NSUN6: variants seen among roughly 807,000 people sequenced by gnomAD.
The protein encoded by NSUN6 is tRNA (cytosine(72)-C(5))-methyltransferase NSUN6.
A neutral mutation model predicts 58.0 loss-of-function variants in NSUN6; 64 were observed. That is an observed-to-expected ratio of 1.10 (90% confidence interval 0.90 to 1.36). The LOEUF is 1.36. Ranked by LOEUF, NSUN6 falls within the 40% of genes most tolerant of loss-of-function variation. NSUN6 has a pLI of 0.00. For synonymous variants in NSUN6, 231 were observed against 193.9 expected (o/e 1.19, Z -1.59); for missense variants, 701 against 550.1 (o/e 1.27, Z -2.74).
chr10:18,644,003 C>G (rs1347415342), intron 2 of NSUN6, among the ~76,000 whole-genome samples: 1 of 152,174 alleles, frequency 6.6e-6, no homozygotes, highest in East Asian at 1.9e-4. Flanking sequence ...CTGCCCAATG[C>G]TATTTTAAAA....
chr10:18,553,615 T>C (rs1409972496), intron 8 of NSUN6, among the ~76,000 whole-genome samples: 1 of 148,034 alleles, frequency 6.8e-6, no homozygotes. Context: ...TGGAATGGCA[T>C]GGAGTGGAAC....
chr10:18,579,757 G>C (rs2056823647), intron 8 of NSUN6, among the ~76,000 whole-genome samples: 1 of 152,196 alleles, frequency 6.6e-6, no homozygotes. Flanking sequence ...GTAGCTAAGA[G>C]ACAGAGGGTT....
At chr10:18,605,915 T>C (rs768368991) in intron 6 of NSUN6, among the ~76,000 whole-genome samples, 35 of 152,088 alleles carry the variant, frequency 2.3e-4, no homozygotes, top group Non-Finnish European at 4.3e-4. Flanking sequence ...ATGGAACAAT[T>C]CTATTAAACA....
At position 18,630,687 on chromosome 10, in the gene NSUN6, A is replaced by C. The variant is rs983648709; in HGVS notation, c.311+11789T>G. 8.1e-3 allele frequency among the ~76,000 whole-genome samples: 1,233 copies of C among 152,256 alleles called. 9 individuals carry two copies. The highest frequency in any genetic ancestry group is 0.011 in the Non-Finnish European group (717 of 67,992). ...GGATAAATTCCTCAACACATACATT[A>C]TCCCAAGACTAAACCAGGAAGAAGT... On this transcript the variant is annotated intron_variant, in intron 3 of 10. Transcript: ENST00000377304.
chr10:18,564,278 GCATTCTCTATTCCATT>G, intron 8 of NSUN6, among the ~76,000 whole-genome samples: 1 of 142,964 alleles, frequency 7.0e-6, no homozygotes, highest in Admixed American at 7.0e-5. Flanking sequence ...CCACTCCACT[GCATTCTCTATTCCATT>G]CTCCATTCCA....
chr10:18,632,183 G>A (rs556904630), intron 3 of NSUN6, among the ~76,000 whole-genome samples: 1 of 152,192 alleles, frequency 6.6e-6, no homozygotes, highest in African/African-American at 2.4e-5. Flanking sequence ...AAATGGTGCT[G>A]GCAAAACTGG....
intron 3 of NSUN6, among the ~76,000 whole-genome samples, chr10:18,628,169 C>T (rs1277724984): frequency 1.3e-5 from 2 of 152,162 alleles, no homozygotes; most frequent in Non-Finnish European, 1.5e-5. Context: ...CGGTCAGGTA[C>T]TCCAACAGAC....
intron 2 of NSUN6, among the ~76,000 whole-genome samples, chr10:18,645,534 A>C (rs2059521412): frequency 6.6e-6 from 1 of 152,220 alleles, no homozygotes; most frequent in Non-Finnish European, 1.5e-5. Flanking sequence ...AGGTTAATCC[A>C]TACTGTAGCA....
At position 18,609,916 on chromosome 10, in the gene NSUN6, T is replaced by C. The variant is rs779855805; in HGVS notation, c.586A>G (p.Ile196Val). 1.3e-6 allele frequency: 2 copies of C among 1,589,376 alleles called. No homozygotes were observed. Among genetic ancestry groups the C allele is most frequent in the East Asian group, 2.2e-5 (1 of 44,748 alleles). Residue 196 changes from isoleucine (I) to valine (V), a missense_variant, in exon 6 of 11, where the codon ATA (isoleucine) becomes GTA (valine). Transcript: ENST00000377304. ...SGLPELKGMG[I>V]RMTEPVYLSP... ...AGATATACTGGTTCTGTCATTCTTA[T>C]GCCCATGCCTCTGAAAAATAGGAAA... is the stretch of plus-strand genomic sequence containing the variant.
At chr10:18,581,830 A>T (rs2056918172) in intron 8 of NSUN6, among the ~76,000 whole-genome samples, 1 of 152,016 alleles carries the variant, frequency 6.6e-6, no homozygotes, top group South Asian at 2.1e-4. Flanking sequence ...ATCTCAAAAA[A>T]AAAAAAAAGG....
intron 3 of NSUN6, among the ~76,000 whole-genome samples, chr10:18,636,950 A>T (rs898412221): frequency 7.4e-6 from 1 of 135,498 alleles, no homozygotes; most frequent in African/African-American, 2.7e-5. Flanking sequence ...AAAAAAAAAA[A>T]AAAAGGAATT....
Position 18,639,988 on chromosome 10 carries a change from T to C in NSUN6, c.311+2488A>G, listed in dbSNP as rs556229262. ...ACACAAATATTCACTCTAACACCTC[T>C]CGTAACAATGAAAAACAGGAAAAAA... On this transcript the variant is annotated intron_variant, in intron 3 of 10. Transcript: ENST00000377304. Among the ~76,000 whole-genome samples the C allele has an allele frequency of 5.3e-5, 8 of 152,266 alleles. No homozygotes were observed. The South Asian group carries it at 1.7e-3, about 32-fold the overall frequency.
chr10:18,566,332 A>ACAATCCATTCCATTCCG (rs1437118762), intron 8 of NSUN6, among the ~76,000 whole-genome samples: 3 of 134,718 alleles, frequency 2.2e-5, no homozygotes, highest in African/African-American at 5.6e-5. Context: ...ATTCCATTCC[A>ACAATCCATTCCATTCCG]CAATCCATTC....
chr10:18,571,028 C>T (rs930171817), intron 8 of NSUN6, among the ~76,000 whole-genome samples: 1 of 150,544 alleles, frequency 6.6e-6, no homozygotes, highest in Admixed American at 6.6e-5. Flanking sequence ...CATTCCATTC[C>T]ATTCTCTACT....
At chr10:18,643,820 ATATCT>A (rs1393358625) in intron 2 of NSUN6, among the ~76,000 whole-genome samples, 1 of 152,204 alleles carries the variant, frequency 6.6e-6, no homozygotes, top group African/African-American at 2.4e-5. Flanking sequence ...GACTATAGAA[ATATCT>A]TATACAGAGA....
At chr10:18,548,752 T>C (rs2054435895) in intron 9 of NSUN6, among the ~76,000 whole-genome samples, 2 of 152,186 alleles carry the variant, frequency 1.3e-5, no homozygotes, top group Admixed American at 1.3e-4. Flanking sequence ...TCAACATTTC[T>C]ATAATACTAT....
intron 8 of NSUN6, among the ~76,000 whole-genome samples, chr10:18,565,282 C>T (rs1335947807): frequency 6.7e-6 from 1 of 150,098 alleles, no homozygotes; most frequent in Non-Finnish European, 1.5e-5. Flanking sequence ...TAATCAATTA[C>T]ATTTTCCATT....
chr10:18,577,089 C>T (rs1325348672), intron 8 of NSUN6, among the ~76,000 whole-genome samples: 1 of 152,138 alleles, frequency 6.6e-6, no homozygotes, highest in East Asian at 1.9e-4. Flanking sequence ...CTATTACAAC[C>T]AACGGCGATT....
intron 3 of NSUN6, among the ~76,000 whole-genome samples, chr10:18,640,888 T>C (rs1327515516): frequency 6.6e-6 from 1 of 151,412 alleles, no homozygotes; most frequent in African/African-American, 2.4e-5. Context: ...ATATTACACA[T>C]GAAAATTTCC....
Sources: gnomAD v4.1 joint callset for allele counts (sites outside exome capture counted in the v4.1 genomes callset) on GRCh38, gnomAD v4.1.1 for gene constraint, MANE v1.5 for transcripts, NCBI Gene and HGNC (gene_info 2026-07-23, HGNC 2026-07-21) for gene names.